The following GUCY1B1 variants were observed in gnomAD, a reference collection of about 807,000 sequenced individuals.
GUCY1B1 encodes the protein guanylate cyclase 1 soluble subunit beta 1.
GUCY1B1 carries 43 observed loss-of-function variants against 71.0 expected under a neutral mutation model. The observed-to-expected ratio is 0.61, with a 90% confidence interval of 0.47 to 0.78. The LOEUF (loss-of-function observed/expected upper bound fraction) is 0.78, where lower values mean the gene tolerates loss of function less well. Among genes scored for constraint, GUCY1B1 ranks in the 30% least tolerant of loss-of-function variants. The pLI is 0.00. For synonymous variants in GUCY1B1, 266 were observed against 259.7 expected, an observed-to-expected ratio of 1.02 and a Z score of -0.23; for missense variants, 535 against 754.1, an observed-to-expected ratio of 0.71 and a Z score of 3.40.
At chr4:155,759,586 C>G (rs936525214) in intron 1 of GUCY1B1, 1 of 539,172 alleles carries the variant, frequency 1.9e-6, no homozygotes, top group East Asian at 3.2e-5. Context: ...CGGATGGTGA[C>G]GGGGAGAATC....
At chr4:155,764,793 A>G (rs1457281653) in intron 2 of GUCY1B1, among the ~76,000 whole-genome samples, 1 of 152,160 alleles carries the variant, frequency 6.6e-6, no homozygotes, top group Non-Finnish European at 1.5e-5. Flanking sequence ...GCCCAAGTGT[A>G]TACTCCATCA....
intron 3 of GUCY1B1, among the ~76,000 whole-genome samples, chr4:155,776,067 A>T (rs992035304): frequency 4.6e-5 from 7 of 152,370 alleles, no homozygotes; most frequent in African/African-American, 1.7e-4. Context: ...AACATGAAAT[A>T]ACTTTTTTTA....
At chr4:155,768,442 T>C (rs1188243114) in intron 2 of GUCY1B1, among the ~76,000 whole-genome samples, 1 of 144,260 alleles carries the variant, frequency 6.9e-6, no homozygotes, top group Admixed American at 7.2e-5. Flanking sequence ...TTAGTAATGT[T>C]TGATTACTTG....
chr4:155,800,104 T>G lies in GUCY1B1; in HGVS notation c.1175+30T>G, dbSNP rs1344735217. 3 of 1,464,176 alleles carry G rather than the reference T, an allele frequency of 2.0e-6. No homozygotes were observed. In the African/African-American group the frequency reaches 4.2e-5, roughly 21 times the overall value. The allele number at this position is 1,464,176 out of a possible 1,614,324, so 90.7% of individuals were successfully genotyped here. On this transcript the variant is annotated intron_variant, in intron 9 of 13. Coordinates refer to ENST00000264424, the MANE Select transcript of GUCY1B1 (RefSeq NM_000857.5). ...GAATGTAACGCTTGGAGCACTACTG[T>G]TATTCATAACATAATGTGACTCTAC...
rs1739042054 is a variant in GUCY1B1 at position 155,789,890 on chromosome 4, T to C, written c.474T>C (p.His158=). Residue 158 remains histidine (H), a synonymous_variant, in exon 5 of 14, where the codon CAT becomes CAC. Transcript: ENST00000264424. ...TCAAAACAGTGGCACAACAAATCCATGGCACTGAAATAGACATGAAGGTAA... is the reference window on the plus strand; with the variant it reads ...TCAAAACAGTGGCACAACAAATCCACGGCACTGAAATAGACATGAAGGTAA... ...GIIKTVAQQI[H]GTEIDMKVIQ... 3 of 1,610,746 alleles carry C rather than the reference T, an allele frequency of 1.9e-6. No homozygotes were observed. The highest frequency in any genetic ancestry group is 2.5e-6 in the Non-Finnish European group (3 of 1,177,616).
intron 11 of GUCY1B1, among the ~76,000 whole-genome samples, 200 bp downstream of exon 11, chr4:155,803,964 C>T (rs987120733): frequency 2.0e-5 from 3 of 151,960 alleles, no homozygotes; most frequent in East Asian, 3.8e-4. Flanking sequence ...TTATCTAGTC[C>T]GTTTCATGTA....
Position 155,774,952 on chromosome 4 carries a change from T to A in GUCY1B1, c.78-16T>A. ...TTCAACTTTTCTCTTCTGTCTTTCT[T>A]GTTTTTGTTTTCCAGAAAAGAGGCA... On this transcript the variant is annotated splice_polypyrimidine_tract_variant and intron_variant, in intron 2 of 13. Transcript: ENST00000264424. 1 of 1,331,852 alleles carries A rather than the reference T, an allele frequency of 7.5e-7. No individual in the cohort carries two copies. The highest frequency in any genetic ancestry group is 1.1e-6 in the Non-Finnish European group (1 of 926,046). 82.5% of individuals were successfully genotyped at this position (1,331,852 alleles called of 1,614,324 possible). A position where few individuals can be genotyped will look rare whatever the true frequency, so the allele number is the denominator to read the frequency against.
At position 155,782,099 on chromosome 4, in the gene GUCY1B1, G is replaced by A. The variant is rs537570384; in HGVS notation, c.297+4457G>A. ...TTATTATTATTATTATTATTGAGAC[G>A]GAGTCTTGCTCTGTCGCCCAGGCTG... is the stretch of plus-strand genomic sequence containing the variant. On this transcript the variant is annotated intron_variant, in intron 4 of 13. Transcript: ENST00000264424. Among the ~76,000 whole-genome samples the A allele has an allele frequency of 1.5e-4, 23 of 151,756 alleles. No individual in the cohort carries two copies. In the East Asian group the frequency reaches 4.1e-3, roughly 27 times the overall value.
intron 11 of GUCY1B1, among the ~76,000 whole-genome samples, 155 bp downstream of exon 11, chr4:155,803,919 T>C (rs1408991093): frequency 6.6e-6 from 1 of 152,248 alleles, no homozygotes; most frequent in Admixed American, 6.5e-5. Context: ...ACTACATTCT[T>C]TCATAGACAT....
intron 2 of GUCY1B1, among the ~76,000 whole-genome samples, chr4:155,768,088 T>A (rs918830824): frequency 6.6e-6 from 1 of 152,198 alleles, no homozygotes; most frequent in Admixed American, 6.5e-5. Context: ...TGATCCTGAT[T>A]GACCTTTTCT....
In GUCY1B1 at chr4:155,759,048, C is replaced by G; in HGVS notation, c.-93C>G. 7.5e-7 allele frequency: 1 copy of G among 1,340,120 alleles called. No homozygotes were observed. Among genetic ancestry groups the G allele is most frequent in the Non-Finnish European group, 1.0e-6 (1 of 959,272 alleles). 83.0% of individuals were successfully genotyped at this position (1,340,120 alleles called of 1,614,324 possible). A position where few individuals can be genotyped will look rare whatever the true frequency, so the allele number is the denominator to read the frequency against. On this transcript the variant is annotated 5_prime_UTR_variant, in exon 1 of 14. Transcript: ENST00000264424. ...TCCAGCTCGATGCTGCCTCCCCGGCCCGGTTGCGCTGTAGCCGCTGCCGCC... is the reference window on the plus strand; with the variant it reads ...TCCAGCTCGATGCTGCCTCCCCGGCGCGGTTGCGCTGTAGCCGCTGCCGCC...
intron 2 of GUCY1B1, among the ~76,000 whole-genome samples, chr4:155,763,870 A>G (rs1737159712): frequency 6.6e-6 from 1 of 152,218 alleles, no homozygotes; most frequent in South Asian, 2.1e-4. Context: ...ATAGTTCTTG[A>G]CAATAGCTTA....
intron 13 of GUCY1B1, 78 bp from the exon 14 acceptor site, chr4:155,806,308 G>T: frequency 2.2e-6 from 2 of 902,460 alleles, no homozygotes; most frequent in South Asian, 3.0e-5. Context: ...CTCTCATAAA[G>T]AGAAAAATAT....
chr4:155,804,827 T>G, intron 12 of GUCY1B1, 80 bp downstream of exon 12: 1 of 1,321,262 alleles, frequency 7.6e-7, no homozygotes, highest in Non-Finnish European at 1.1e-6. Context: ...TGAGAGATTT[T>G]GTTGCTTTAA....
intron 3 of GUCY1B1, 101 bp from the exon 4 acceptor site, chr4:155,777,423 A>G (rs925434205): frequency 5.7e-6 from 4 of 696,188 alleles, no homozygotes; most frequent in Non-Finnish European, 1.0e-5. Context: ...CAAAAATTGA[A>G]GACATTTTAC....
intron 5 of GUCY1B1, among the ~76,000 whole-genome samples, chr4:155,793,355 G>A (rs56380345): frequency 0.05 from 7,606 of 152,286 alleles, 285 homozygotes; most frequent in Non-Finnish European, 0.072. Context: ...AGGATTACAG[G>A]CGTGAGCCAC....
intron 4 of GUCY1B1, among the ~76,000 whole-genome samples, chr4:155,780,362 G>A (rs1200888099): frequency 6.6e-6 from 1 of 152,036 alleles, no homozygotes; most frequent in African/African-American, 2.4e-5. Flanking sequence ...TATTAATTCT[G>A]CAGGTAAAAT....
intron 4 of GUCY1B1, chr4:155,785,371 C>G: frequency 1.2e-6 from 1 of 864,532 alleles, no homozygotes; most frequent in Non-Finnish European, 1.8e-6. Context: ...TACTTTCATA[C>G]ATATGGACAT....
chr4:155,761,693 T>C (rs1560997045), intron 2 of GUCY1B1, among the ~76,000 whole-genome samples: 2 of 152,208 alleles, frequency 1.3e-5, no homozygotes, highest in Non-Finnish European at 2.9e-5. Flanking sequence ...TGACGAGAAT[T>C]TAACTCTGCA....
Sources: gnomAD v4.1 joint callset for allele counts (sites outside exome capture counted in the v4.1 genomes callset) on GRCh38, gnomAD v4.1.1 for gene constraint, MANE v1.5 for transcripts, NCBI Gene and HGNC (gene_info 2026-07-23, HGNC 2026-07-21) for gene names.